The following DMRT1 variants were observed in gnomAD, a reference collection of about 807,000 sequenced individuals.
DMRT1 encodes the protein doublesex- and mab-3-related transcription factor 1.
DMRT1 carries 7 observed loss-of-function variants against 32.3 expected under a neutral mutation model. That is an observed-to-expected ratio of 0.22 (90% confidence interval 0.12 to 0.41). The LOEUF (loss-of-function observed/expected upper bound fraction) is 0.41. Ranked by LOEUF, DMRT1 falls within the 10% of genes least tolerant of loss-of-function variation. DMRT1 has a pLI of 1.00. For missense variants in DMRT1, 625 were observed against 500.5 expected, an observed-to-expected ratio of 1.25 and a Z score of -2.37; for synonymous variants, 278 against 206.1, an observed-to-expected ratio of 1.35 and a Z score of -2.99.
intron 3 of DMRT1, among the ~76,000 whole-genome samples, chr9:915,130 C>A (rs1818128143): frequency 6.6e-6 from 1 of 152,190 alleles, no homozygotes; most frequent in Admixed American, 6.5e-5. Context: ...CTTGAACATT[C>A]CCTTAGATCG....
chr9:950,060 T>C (rs936035784), intron 4 of DMRT1, among the ~76,000 whole-genome samples: 5 of 152,102 alleles, frequency 3.3e-5, no homozygotes, highest in African/African-American at 1.2e-4. Context: ...TGATTTCAAT[T>C]CTTTGAATAT....
At chr9:914,858 G>A (rs180755721) in intron 3 of DMRT1, among the ~76,000 whole-genome samples, 19 of 152,236 alleles carry the variant, frequency 1.2e-4, no homozygotes, top group African/African-American at 4.6e-4. Flanking sequence ...GCAGAAATCA[G>A]GGACTTAGCT....
chr9:881,954 C>T (rs539320524), intron 2 of DMRT1, among the ~76,000 whole-genome samples: 45 of 152,368 alleles, frequency 3.0e-4, no homozygotes, highest in East Asian at 3.9e-4. Context: ...AGAGAGAAAT[C>T]TCTGTCTTGG....
At chr9:962,172 CTGGACGGGA>C (rs1383715360) in intron 4 of DMRT1, among the ~76,000 whole-genome samples, 6 of 152,308 alleles carry the variant, frequency 3.9e-5, no homozygotes, top group African/African-American at 1.2e-4. Flanking sequence ...TGCGACACCC[CTGGACGGGA>C]CTAGTCAACT....
At chr9:862,004 C>T (rs1463022889) in intron 2 of DMRT1, among the ~76,000 whole-genome samples, 1 of 151,314 alleles carries the variant, frequency 6.6e-6, no homozygotes, top group Non-Finnish European at 1.5e-5. Context: ...AAGAGGTGCT[C>T]CTCACTTCCC....
chr9:855,796 T>A (rs1204937644), intron 2 of DMRT1, among the ~76,000 whole-genome samples: 1 of 152,176 alleles, frequency 6.6e-6, no homozygotes, highest in African/African-American at 2.4e-5. Flanking sequence ...TTTAAATATT[T>A]TTATAGAGAT....
intron 2 of DMRT1, among the ~76,000 whole-genome samples, chr9:848,342 A>G (rs1838992507): frequency 6.6e-6 from 1 of 152,182 alleles, no homozygotes; most frequent in Non-Finnish European, 1.5e-5. Context: ...CTTGGCCATT[A>G]TTAAAAAGGA....
chr9:942,567 C>G (rs1819111542), intron 4 of DMRT1, among the ~76,000 whole-genome samples: 1 of 152,172 alleles, frequency 6.6e-6, no homozygotes, highest in African/African-American at 2.4e-5. Context: ...GCCACTGTGC[C>G]TGGCCTATTT....
rs1838686471 is a variant in DMRT1 at position 841,729 on chromosome 9, G to A, written c.-110G>A. Reference sequence around the variant, plus strand: ...CTGCGCCTCCGGCTGCAGCGCACACGTCTCCTGCGCCTCCTCCTCCGGAGC... The same window carrying A: ...CTGCGCCTCCGGCTGCAGCGCACACATCTCCTGCGCCTCCTCCTCCGGAGC... On this transcript the variant is annotated 5_prime_UTR_variant, in exon 1 of 5. Coordinates refer to ENST00000382276, the MANE Select transcript of DMRT1 (RefSeq NM_021951.3). The A allele has an allele frequency of 3.2e-6, 5 of 1,544,808 alleles. No individual in the cohort carries two copies. The highest frequency in any genetic ancestry group is 4.4e-6 in the Non-Finnish European group (5 of 1,146,314).
Position 968,478 on chromosome 9 carries a change from C to A in DMRT1, c.*339C>A. On this transcript the variant is annotated 3_prime_UTR_variant, in exon 5 of 5. Transcript: ENST00000382276. ...AAATGAGTCATCTAATTAGATGTTA[C>A]TTTTAGTTTTAAAATGAAATCTTAG... 1 of 177,494 alleles carries A rather than the reference C, an allele frequency of 5.6e-6. No individual in the cohort carries two copies. The highest frequency in any genetic ancestry group is 1.2e-5 in the Non-Finnish European group (1 of 85,196). 11.0% of individuals were successfully genotyped at this position (177,494 alleles called of 1,614,324 possible).
intron 2 of DMRT1, among the ~76,000 whole-genome samples, chr9:863,558 C>T (rs1264510409): frequency 6.6e-6 from 1 of 152,206 alleles, no homozygotes; most frequent in African/African-American, 2.4e-5. Context: ...GTCCTACTAA[C>T]ACACAGGGAG....
At chr9:870,268 G>A (rs546122061) in intron 2 of DMRT1, among the ~76,000 whole-genome samples, 2 of 152,140 alleles carry the variant, frequency 1.3e-5, no homozygotes, top group African/African-American at 4.8e-5. Flanking sequence ...GCGTGGTGAC[G>A]TGCACCTGTA....
intron 4 of DMRT1, among the ~76,000 whole-genome samples, chr9:928,557 G>A (rs72701038): frequency 0.012 from 1,795 of 152,240 alleles, 33 homozygotes; most frequent in African/African-American, 0.041. Flanking sequence ...AATCACAGGT[G>A]TATGGAACTT....
At position 908,931 on chromosome 9, in the gene DMRT1, G is replaced by A. The variant is rs371480022; in HGVS notation, c.823-7832G>A. ...TCTGAATGCCCAGCCCCAGCCCCAC[G>A]CTTAGCACAGCAGCTTCACCCCTCC... On this transcript the variant is annotated intron_variant, in intron 3 of 4. Transcript: ENST00000382276. Among the ~76,000 whole-genome samples, 410 of 151,926 alleles carry A rather than the reference G, an allele frequency of 2.7e-3. 1 individual carries two copies. The highest frequency in any genetic ancestry group is 9.5e-3 in the African/African-American group (393 of 41,410).
At chr9:894,439 C>T in intron 3 of DMRT1, 1 of 573,928 alleles carries the variant, frequency 1.7e-6, no homozygotes, top group South Asian at 2.0e-5. Flanking sequence ...AGGTTGGCTG[C>T]AAGGAATTGG....
chr9:957,050 C>G (rs4742592), intron 4 of DMRT1, among the ~76,000 whole-genome samples: 8,365 of 152,194 alleles, frequency 0.055, 496 homozygotes, highest in East Asian at 0.19. Context: ...ATCCTGTCAC[C>G]CAGGTACTGA....
rs566921448 is a variant in DMRT1 at position 870,547 on chromosome 9, ACAG to A, written c.539-23362_539-23360del. 4.3e-4 allele frequency among the ~76,000 whole-genome samples: 65 copies of A among 152,192 alleles called. 1 individual carries two copies. In the East Asian group the frequency reaches 0.012, roughly 28 times the overall value. ...CTTCAGCTGTGAAATCCTTTTAGCC[ACAG>A]CATTGTAGTCTCTTCTCAGAAGGTT... On this transcript the variant is annotated intron_variant, in intron 2 of 4. Transcript: ENST00000382276.
At chr9:895,231 A>G (rs1265215033) in intron 3 of DMRT1, among the ~76,000 whole-genome samples, 1 of 152,184 alleles carries the variant, frequency 6.6e-6, no homozygotes, top group Non-Finnish European at 1.5e-5. Flanking sequence ...CTGCTTCCTC[A>G]GTTGCAACCA....
At chr9:847,363 G>C (rs988317198) in intron 2 of DMRT1, among the ~76,000 whole-genome samples, 2 of 152,202 alleles carry the variant, frequency 1.3e-5, no homozygotes, top group African/African-American at 4.8e-5. Flanking sequence ...TTGGTTATTA[G>C]TCAAGACTGA....
Sources: allele counts gnomAD v4.1 joint callset (sites outside exome capture counted in the v4.1 genomes callset), GRCh38; gene constraint gnomAD v4.1.1; transcripts MANE v1.5; gene names NCBI Gene and HGNC (gene_info 2026-07-23, HGNC 2026-07-21).